Variants in HTR2A observed in about 807,000 individuals in gnomAD.
The protein encoded by HTR2A is 5-HT2 receptor.
Under a neutral mutation model 31.0 loss-of-function variants are expected in HTR2A, and 14 were observed. The observed-to-expected ratio is 0.45, with a 90% CI of 0.30 to 0.71. The LOEUF is 0.71. HTR2A is among the 30% of genes least tolerant of loss of function. The pLI is 0.09. For synonymous variants in HTR2A, 209 were observed against 225.2 expected (o/e 0.93, Z 0.64); for missense variants, 442 against 573.3 (o/e 0.77, Z 2.34).
chr13:46,890,653 T>A (rs1951045738), intron 3 of HTR2A, among the ~76,000 whole-genome samples: 1 of 152,204 alleles, frequency 6.6e-6, no homozygotes, highest in African/African-American at 2.4e-5. Flanking sequence ...CTGAATGAGA[T>A]GGGGGAGTCA....
At chr13:46,876,355 A>G (rs1166637066) in intron 3 of HTR2A, among the ~76,000 whole-genome samples, 1 of 145,900 alleles carries the variant, frequency 6.9e-6, no homozygotes, top group East Asian at 2.1e-4. Flanking sequence ...TTCAATTGTA[A>G]GGCATTTGCT....
intron 3 of HTR2A, among the ~76,000 whole-genome samples, chr13:46,845,576 T>A (rs1247723031): frequency 6.8e-6 from 1 of 147,692 alleles, no homozygotes; most frequent in Non-Finnish European, 1.5e-5. Flanking sequence ...GAGGGGAAGG[T>A]GGTTGAGTCT....
intron 3 of HTR2A, among the ~76,000 whole-genome samples, chr13:46,885,427 A>G (rs1950998620): frequency 6.6e-6 from 1 of 152,234 alleles, no homozygotes; most frequent in South Asian, 2.1e-4. Flanking sequence ...GGTAAATAAA[A>G]CTATGGAAAG....
chr13:46,843,821 TG>T (rs1206114755), intron 3 of HTR2A, among the ~76,000 whole-genome samples: 1 of 152,082 alleles, frequency 6.6e-6, no homozygotes, highest in Middle Eastern at 3.2e-3. Context: ...CTGGAGGGCA[TG>T]GGGGAATGAG....
intron 3 of HTR2A, among the ~76,000 whole-genome samples, chr13:46,847,045 T>C (rs998603730): frequency 2.0e-5 from 3 of 152,228 alleles, no homozygotes; most frequent in Admixed American, 6.5e-5. Context: ...TGCTGCTCTT[T>C]GGTGGAACTG....
chr13:46,863,565 G>A (rs1391479578), intron 3 of HTR2A, among the ~76,000 whole-genome samples: 2 of 146,018 alleles, frequency 1.4e-5, no homozygotes, highest in African/African-American at 2.6e-5. Context: ...CAAGGCTGCC[G>A]TGAGCTATGA....
chr13:46,896,640 C>T, intron 1 of HTR2A, 34 bp downstream of exon 1: 2 of 1,447,546 alleles, frequency 1.4e-6, no homozygotes, highest in Non-Finnish European at 1.8e-6. Context: ...AAGAAAATTA[C>T]ACAGCAATAA....
rs752780609 is a variant in HTR2A at position 46,834,632 on chromosome 13, C to A, written c.*205G>T. 7 of 532,714 alleles carry A rather than the reference C, an allele frequency of 1.3e-5. No homozygotes were observed. The highest frequency in any genetic ancestry group is 5.7e-5 in the African/African-American group (3 of 52,974). The allele number at this position is 532,714 out of a possible 1,614,324, so 33.0% of individuals were successfully genotyped here. A position where few individuals can be genotyped will look rare whatever the true frequency, so the allele number is the denominator to read the frequency against. ...TAAATAAGTATCAGAAAGCTCACAGCTGAAATGCTGTCAGAACATTTTCCA... is the reference window on the plus strand; with the variant it reads ...TAAATAAGTATCAGAAAGCTCACAGATGAAATGCTGTCAGAACATTTTCCA... On this transcript the variant is annotated 3_prime_UTR_variant, in exon 4 of 4. Coordinates refer to ENST00000542664, the MANE Select transcript of HTR2A (RefSeq NM_000621.5).
intron 3 of HTR2A, among the ~76,000 whole-genome samples, chr13:46,887,378 G>A (rs902604135): frequency 1.2e-4 from 17 of 143,880 alleles, no homozygotes; most frequent in African/African-American, 3.1e-4. Flanking sequence ...AGCCGAGATC[G>A]CGCCACTGCA....
At chr13:46,843,668 A>T (rs1950617957) in intron 3 of HTR2A, among the ~76,000 whole-genome samples, 1 of 152,120 alleles carries the variant, frequency 6.6e-6, no homozygotes, top group East Asian at 1.9e-4. Flanking sequence ...GGAAGGGGCA[A>T]TCTAAACGGC....
chr13:46,890,163 G>T (rs925862774), intron 3 of HTR2A, among the ~76,000 whole-genome samples: 1 of 152,338 alleles, frequency 6.6e-6, no homozygotes, highest in Non-Finnish European at 1.5e-5. Flanking sequence ...GACCAACATG[G>T]AGAAACCTTG....
At chr13:46,841,411 T>A (rs1950596119) in intron 3 of HTR2A, among the ~76,000 whole-genome samples, 1 of 152,106 alleles carries the variant, frequency 6.6e-6, no homozygotes, top group African/African-American at 2.4e-5. Context: ...AAAAATAAAA[T>A]CCTTATAATC....
At chr13:46,846,535 C>G (rs549497491) in intron 3 of HTR2A, among the ~76,000 whole-genome samples, 1 of 152,280 alleles carries the variant, frequency 6.6e-6, no homozygotes, top group African/African-American at 2.4e-5. Context: ...GTTCATCACC[C>G]AAGATAGGGG....
chr13:46,861,341 T>A (rs985257128), intron 3 of HTR2A, among the ~76,000 whole-genome samples: 1 of 152,196 alleles, frequency 6.6e-6, no homozygotes, highest in Non-Finnish European at 1.5e-5. Context: ...TCTCACATAA[T>A]TTTAGATTGT....
At chr13:46,863,630 G>GAAAAAAAAAACAAAAAAAAAA (rs1950796889) in intron 3 of HTR2A, among the ~76,000 whole-genome samples, 1 of 59,254 alleles carries the variant, frequency 1.7e-5, no homozygotes, top group Non-Finnish European at 2.9e-5. Context: ...CCCTCAAAAT[G>GAAAAAAAAAACAAAAAAAAAA]AAAAAAAAAA....
At chr13:46,858,546 G>A (rs1044730574) in intron 3 of HTR2A, among the ~76,000 whole-genome samples, 1 of 152,178 alleles carries the variant, frequency 6.6e-6, no homozygotes, top group Non-Finnish European at 1.5e-5. Context: ...TTAGACAGGC[G>A]AGAAACCTGA....
intron 3 of HTR2A, among the ~76,000 whole-genome samples, chr13:46,885,342 G>A (rs1950998106): frequency 6.6e-6 from 1 of 152,096 alleles, no homozygotes; most frequent in Non-Finnish European, 1.5e-5. Flanking sequence ...TACTTGGTAT[G>A]GAGGGCGATT....
chr13:46,878,317 CTG>C (rs1219118559), intron 3 of HTR2A, among the ~76,000 whole-genome samples: 1 of 152,152 alleles, frequency 6.6e-6, no homozygotes, highest in African/African-American at 2.4e-5. Context: ...GAGAGGAATT[CTG>C]TGAGTCTAAT....
intron 2 of HTR2A, 99 bp from the exon 3 acceptor site, chr13:46,892,689 G>A (rs1191741158): frequency 4.1e-6 from 4 of 976,566 alleles, no homozygotes; most frequent in Non-Finnish European, 6.5e-6. Flanking sequence ...ACAGGCACAG[G>A]TGGTGGCAAA....
Sources: allele counts gnomAD v4.1 joint callset (sites outside exome capture counted in the v4.1 genomes callset), GRCh38; gene constraint gnomAD v4.1.1; transcripts MANE v1.5; gene names NCBI Gene and HGNC (gene_info 2026-07-23, HGNC 2026-07-21).